The following TIAM1 variants were observed in gnomAD, a reference collection of about 807,000 sequenced individuals.
TIAM1 encodes the protein rho guanine nucleotide exchange factor TIAM1.
TIAM1 carries 65 observed loss-of-function variants against 163.5 expected under a neutral mutation model. The observed-to-expected ratio is 0.40, with a 90% CI of 0.33 to 0.49. The LOEUF is 0.49. Ranked by LOEUF, TIAM1 falls within the 20% of genes least tolerant of loss-of-function variation. The probability of loss-of-function intolerance (pLI) is 0.77; values close to 1 mark genes in which losing one functional copy is unlikely to be tolerated. For missense variants in TIAM1, 1,789 were observed against 2,044.7 expected (o/e 0.87, Z 2.41); for synonymous variants, 833 against 810.1 (o/e 1.03, Z -0.48).
chr21:31,226,549 CT>C (rs1399408853), intron 6 of TIAM1, among the ~76,000 whole-genome samples: 1 of 152,116 alleles, frequency 6.6e-6, no homozygotes, highest in Non-Finnish European at 1.5e-5. Flanking sequence ...TAAAAGTGGC[CT>C]GTTTGAGAAG....
chr21:31,158,324 T>C (rs1201193822), intron 16 of TIAM1, among the ~76,000 whole-genome samples: 1 of 152,158 alleles, frequency 6.6e-6, no homozygotes, highest in Non-Finnish European at 1.5e-5. Flanking sequence ...TTTCACAGCC[T>C]TAAGTATCCC....
intron 12 of TIAM1, among the ~76,000 whole-genome samples, chr21:31,195,509 G>A (rs2085803085): frequency 6.6e-6 from 1 of 152,156 alleles, no homozygotes; most frequent in Admixed American, 6.5e-5. Flanking sequence ...CCACAGTTTG[G>A]TTTCTAAGTA....
At chr21:31,489,960 T>A (rs2046412228) in intron 1 of TIAM1, among the ~76,000 whole-genome samples, 1 of 152,170 alleles carries the variant, frequency 6.6e-6, no homozygotes, top group African/African-American at 2.4e-5. Flanking sequence ...GACTTTTTTA[T>A]CCAGCCCTTC....
At chr21:31,399,109 C>T (rs1469529115) in intron 2 of TIAM1, among the ~76,000 whole-genome samples, 3 of 152,032 alleles carry the variant, frequency 2.0e-5, no homozygotes, top group South Asian at 2.1e-4. Context: ...TTCCACAAGG[C>T]GGAATTGGTT....
intron 1 of TIAM1, among the ~76,000 whole-genome samples, chr21:31,550,465 T>C (rs994578496): frequency 1.3e-5 from 2 of 152,170 alleles, no homozygotes; most frequent in African/African-American, 4.8e-5. Context: ...AGATTAGTGG[T>C]AGCCAAGTGC....
At chr21:31,487,808 C>T (rs1413786591) in intron 1 of TIAM1, among the ~76,000 whole-genome samples, 4 of 151,960 alleles carry the variant, frequency 2.6e-5, no homozygotes, top group Admixed American at 6.6e-5. Flanking sequence ...CCACCCGCCT[C>T]GGCCTCCCAA....
At chr21:31,389,683 T>C (rs2076937140) in intron 2 of TIAM1, among the ~76,000 whole-genome samples, 1 of 152,252 alleles carries the variant, frequency 6.6e-6, no homozygotes, top group South Asian at 2.1e-4. Flanking sequence ...GTCCCATGCG[T>C]TGGATACTAC....
intron 2 of TIAM1, among the ~76,000 whole-genome samples, chr21:31,316,407 G>A (rs1056043123): frequency 7.9e-5 from 12 of 152,336 alleles, no homozygotes; most frequent in Non-Finnish European, 1.2e-4. Flanking sequence ...ACCCTCAGAT[G>A]AAAAGGCATG....
intron 2 of TIAM1, among the ~76,000 whole-genome samples, chr21:31,350,470 G>A (rs1043557147): frequency 5.3e-5 from 8 of 152,152 alleles, no homozygotes; most frequent in African/African-American, 1.7e-4. Context: ...TGGTGTTGCA[G>A]ATGGGGCCTG....
intron 1 of TIAM1, among the ~76,000 whole-genome samples, chr21:31,520,206 C>G (rs2047533484): frequency 6.6e-6 from 1 of 152,070 alleles, no homozygotes; most frequent in South Asian, 2.1e-4. Flanking sequence ...TGGCGCATGC[C>G]TATAATCCAA....
rs1456032451 is a variant in TIAM1 at position 31,195,224 on chromosome 21, C to T, written c.2575G>A (p.Gly859Arg). ...CACAAACAAAGAAAAATAAACTTAC[C>T]GTAAGTATCAGCAGCTGTATCTGAC... ...EKSDTAADTY[G>R]FSLSSVEEDG... is the part of the protein sequence containing the mutation. Residue 859 changes from glycine (G) to arginine (R), a missense_variant and splice_region_variant, in exon 13 of 28, where the codon GGG (glycine) becomes AGG (arginine). Physicochemically the swap from Gly to Arg is moderately radical, Grantham distance 125. Coordinates refer to ENST00000541036, the MANE Select transcript of TIAM1 (RefSeq NM_001353694.2). 4 of 1,606,978 alleles carry T rather than the reference C, an allele frequency of 2.5e-6. No individual in the cohort carries two copies. The highest frequency in any genetic ancestry group is 2.6e-6 in the Non-Finnish European group (3 of 1,174,986).
At chr21:31,229,572 C>T (rs939460849) in intron 6 of TIAM1, among the ~76,000 whole-genome samples, 1 of 151,974 alleles carries the variant, frequency 6.6e-6, no homozygotes, top group Non-Finnish European at 1.5e-5. Context: ...TTCCTTGACC[C>T]GAAACATGCT....
chr21:31,120,226 T>C lies in TIAM1; in HGVS notation c.*142A>G. 2.6e-6 allele frequency: 2 copies of C among 769,242 alleles called. No individual in the cohort carries two copies. Among genetic ancestry groups the C allele is most frequent in the South Asian group, 2.1e-5 (1 of 47,518 alleles). The allele number at this position is 769,242 out of a possible 1,614,324, so 47.7% of individuals were successfully genotyped here. On this transcript the variant is annotated 3_prime_UTR_variant, in exon 28 of 28. Coordinates refer to ENST00000541036, the MANE Select transcript of TIAM1 (RefSeq NM_001353694.2). This position sits in a 1 kb window ranked among gnomAD's most constrained non-coding sequence, Gnocchi z 4.2. ...AAAATGACAAAGTTGGGTGGCTACA[T>C]GGCTTCAGAACCAAGTCAGCTGCCA...
chr21:31,239,286 C>T (rs2071047009), intron 6 of TIAM1, among the ~76,000 whole-genome samples: 1 of 152,050 alleles, frequency 6.6e-6, no homozygotes, highest in South Asian at 2.1e-4. Flanking sequence ...TCGTGTCCAG[C>T]TAATTTTTTT....
chr21:31,442,062 AATAAATAAATATATAT>A (rs983926722), intron 2 of TIAM1, among the ~76,000 whole-genome samples: 1 of 25,728 alleles, frequency 3.9e-5, no homozygotes, highest in African/African-American at 2.4e-4. Context: ...TCTCAGAACA[AATAAATAAATATATAT>A]ATATATATAG....
At chr21:31,353,767 A>C (rs2076270794) in intron 2 of TIAM1, among the ~76,000 whole-genome samples, 1 of 151,148 alleles carries the variant, frequency 6.6e-6, no homozygotes. Context: ...TTGGGCTACA[A>C]TCTTGTCATT....
In TIAM1 at chr21:31,339,162, G is replaced by A. The variant is rs189864601; in HGVS notation, c.-189+81C>T. On this transcript the variant is annotated intron_variant, in intron 2 of 27. Coordinates refer to ENST00000541036, the MANE Select transcript of TIAM1 (RefSeq NM_001353694.2). ...AACTTTCTATTGTCCCAAAAAAGGT[G>A]GATTTGGGCAGGATCAAGATAATAA... 307 of 394,750 alleles carry A rather than the reference G, an allele frequency of 7.8e-4. 1 individual carries two copies. The highest frequency in any genetic ancestry group is 6.0e-3 in the African/African-American group (292 of 48,652). The allele number at this position is 394,750 out of a possible 1,614,324, so 24.5% of individuals were successfully genotyped here. A position where few individuals can be genotyped will look rare whatever the true frequency, so the allele number is the denominator to read the frequency against.
chr21:31,301,327 T>G (rs2074490955), intron 2 of TIAM1, among the ~76,000 whole-genome samples: 1 of 152,122 alleles, frequency 6.6e-6, no homozygotes, highest in African/African-American at 2.4e-5. Flanking sequence ...AAACCCTGGG[T>G]TCAATTTCTC....
chr21:31,313,024 A>G (rs916461888), intron 2 of TIAM1, among the ~76,000 whole-genome samples: 5 of 152,112 alleles, frequency 3.3e-5, no homozygotes, highest in African/African-American at 1.2e-4. Flanking sequence ...TACGGCAGCT[A>G]CTCACCTGCC....
Sources: gnomAD v4.1 joint callset for allele counts (sites outside exome capture counted in the v4.1 genomes callset) on GRCh38, gnomAD v4.1.1 for gene constraint, Gnocchi (gnomAD v3.1) non-coding constraint, MANE v1.5 for transcripts, NCBI Gene and HGNC (gene_info 2026-07-23, HGNC 2026-07-21) for gene names.